Variants in CRYZ observed in about 807,000 individuals in gnomAD.
The protein encoded by CRYZ is zeta-crystallin.
A neutral mutation model predicts 34.1 loss-of-function variants in CRYZ; 35 were observed. The ratio of observed to expected loss-of-function variants is 1.03; its 90% confidence interval spans 0.78 to 1.36. The LOEUF is 1.36. Among genes scored for constraint, CRYZ ranks in the 40% most tolerant of loss-of-function variants. CRYZ has a pLI of 0.00. For missense variants in CRYZ, 403 were observed against 391.8 expected (o/e 1.03, Z -0.24); for synonymous variants, 137 against 136.5 (o/e 1.00, Z -0.03).
At chr1:74,725,186 T>C (rs536065510) in intron 1 of CRYZ, among the ~76,000 whole-genome samples, 1 of 152,384 alleles carries the variant, frequency 6.6e-6, no homozygotes, top group African/African-American at 2.4e-5. Context: ...TTAGGTAAAC[T>C]GACCTCCTTT....
intron 6 of CRYZ, among the ~76,000 whole-genome samples, chr1:74,709,632 C>T (rs1646974308): frequency 6.6e-6 from 1 of 152,184 alleles, no homozygotes; most frequent in Non-Finnish European, 1.5e-5. Flanking sequence ...AATGCCACCT[C>T]ACCATTTTGG....
intron 1 of CRYZ, chr1:74,732,678 C>A (rs1311832875): frequency 6.7e-6 from 1 of 149,536 alleles, no homozygotes. Context: ...GTAGTGCCAA[C>A]GGACACCTCA....
At chr1:74,709,936 T>C (rs1646978305) in intron 6 of CRYZ, among the ~76,000 whole-genome samples, 162 bp downstream of exon 6, 1 of 147,218 alleles carries the variant, frequency 6.8e-6, no homozygotes, top group Non-Finnish European at 1.5e-5. Context: ...AACTTAGACA[T>C]CTGTTTTTTA....
chr1:74,732,608 GGGGGGGGT>G (rs1647872103), intron 1 of CRYZ, among the ~76,000 whole-genome samples: 2 of 81,668 alleles, frequency 2.4e-5, no homozygotes, highest in Admixed American at 1.5e-4. Context: ...GGGGGGGGGG[GGGGGGGGT>G]GCAGCGTGGG....
At chr1:74,719,038 A>G (rs566920232) in intron 4 of CRYZ, among the ~76,000 whole-genome samples, 171 bp downstream of exon 4, 1 of 152,236 alleles carries the variant, frequency 6.6e-6, no homozygotes, top group Non-Finnish European at 1.5e-5. Flanking sequence ...TTGTATCCCT[A>G]GTGATTAGCA....
chr1:74,727,644 C>CCA (rs1647439713), intron 1 of CRYZ, among the ~76,000 whole-genome samples: 1 of 48,696 alleles, frequency 2.1e-5, no homozygotes, highest in Non-Finnish European at 3.9e-5. Context: ...GACTCTGTCT[C>CCA]AAAAAAAAAA....
intron 4 of CRYZ, among the ~76,000 whole-genome samples, chr1:74,715,104 C>T (rs1436808828): frequency 6.6e-6 from 1 of 152,142 alleles, no homozygotes; most frequent in Non-Finnish European, 1.5e-5. Flanking sequence ...AGAAATTTTT[C>T]TTCTCCATGT....
intron 1 of CRYZ, among the ~76,000 whole-genome samples, chr1:74,730,121 G>A (rs1259796429): frequency 1.3e-5 from 2 of 151,190 alleles, no homozygotes; most frequent in South Asian, 2.1e-4. Context: ...AATAGGATCT[G>A]TATCTTTCCC....
intron 3 of CRYZ, among the ~76,000 whole-genome samples, chr1:74,719,716 G>C (rs1647130723): frequency 6.6e-6 from 1 of 151,922 alleles, no homozygotes; most frequent in Admixed American, 6.6e-5. Flanking sequence ...GGCTGGTCTT[G>C]AACTCCTGAC....
chr1:74,727,253 G>C (rs1185577142), intron 1 of CRYZ, among the ~76,000 whole-genome samples: 1 of 96,370 alleles, frequency 1.0e-5, no homozygotes, highest in African/African-American at 2.9e-5. Context: ...CCTGAGACTG[G>C]GTACAATTTA....
At chr1:74,716,449 G>A (rs1427687552) in intron 4 of CRYZ, among the ~76,000 whole-genome samples, 6 of 151,880 alleles carry the variant, frequency 4.0e-5, no homozygotes, top group East Asian at 1.9e-4. Context: ...AGTCACTGAA[G>A]ACTAAGACCT....
chr1:74,707,072 TAAAAAAAAAA>T, intron 7 of CRYZ, 21 bp downstream of exon 7: 1 of 1,389,284 alleles, frequency 7.2e-7, no homozygotes. Context: ...ATTAAAGTGG[TAAAAAAAAAA>T]AAAAGAAAAG....
chr1:74,711,208 G>C (rs536504252), intron 5 of CRYZ, among the ~76,000 whole-genome samples: 2 of 152,334 alleles, frequency 1.3e-5, no homozygotes, highest in South Asian at 4.1e-4. Flanking sequence ...GGTGAGGGTA[G>C]AGGCTTCCGA....
chr1:74,710,391 G>C lies in CRYZ; in HGVS notation c.481-144C>G, dbSNP rs569835914. Reference sequence around the variant, plus strand: ...TGTAAATGAAGAAATAAGAAAAACAGCTAACTTTAATTGAGCATTTAAAAT... The same window carrying C: ...TGTAAATGAAGAAATAAGAAAAACACCTAACTTTAATTGAGCATTTAAAAT... On this transcript the variant is annotated intron_variant, in intron 5 of 8. Transcript: ENST00000340866. The C allele has an allele frequency of 1.7e-5, 11 of 648,168 alleles. No homozygotes were observed. In the East Asian group the frequency reaches 3.1e-4, roughly 18 times the overall value. The allele number at this position is 648,168 out of a possible 1,614,324, so 40.2% of individuals were successfully genotyped here.
chr1:74,729,217 G>A (rs1647558052), intron 1 of CRYZ, among the ~76,000 whole-genome samples: 1 of 150,582 alleles, frequency 6.6e-6, no homozygotes, highest in Non-Finnish European at 1.5e-5. Context: ...GCTCTATCAT[G>A]TGGGAGCCAC....
rs1457743333 is a variant in CRYZ at position 74,724,759 on chromosome 1, G to A, written c.63C>T (p.Val21=). The A allele has an allele frequency of 3.7e-6, 6 of 1,613,512 alleles. No homozygotes were observed. Among genetic ancestry groups the A allele is most frequent in the South Asian group, 2.2e-5 (2 of 91,012 alleles). ...CTGCAATATCTGATCGCAATTTCAGGACTTCTGGCCCACCAAATTCAAAAA... is the reference window on the plus strand; with the variant it reads ...CTGCAATATCTGATCGCAATTTCAGAACTTCTGGCCCACCAAATTCAAAAA... ...VRVFEFGGPE[V]LKLRSDIAVP... Residue 21 remains valine, a synonymous_variant, in exon 2 of 9, where the codon GTC becomes GTT. Coordinates refer to ENST00000340866, the MANE Select transcript of CRYZ (RefSeq NM_001889.4).
chr1:74,708,840 A>G (rs190847226), intron 6 of CRYZ: 2 of 152,326 alleles, frequency 1.3e-5, no homozygotes, highest in Admixed American at 1.3e-4. Flanking sequence ...AGACCAAGCA[A>G]AAACAACCTA....
chr1:74,722,869 G>A lies in CRYZ; in HGVS notation c.264+249C>T, dbSNP rs575658218. Among the ~76,000 whole-genome samples the A allele has an allele frequency of 7.2e-5, 11 of 152,078 alleles. No individual in the cohort carries two copies. The East Asian group carries it at 2.1e-3, about 29-fold the overall frequency. The stretch of plus-strand genomic sequence containing the variant: ...TTTCTATTAAATAAAAAAAATCACA[G>A]TTCATTCTGTGGGGACATGAAGATA... On this transcript the variant is annotated intron_variant, in intron 3 of 8. Coordinates refer to ENST00000340866, the MANE Select transcript of CRYZ (RefSeq NM_001889.4).
chr1:74,712,567 A>T (rs12129513), intron 5 of CRYZ, among the ~76,000 whole-genome samples: 1 of 152,038 alleles, frequency 6.6e-6, no homozygotes, highest in African/African-American at 2.4e-5. Flanking sequence ...GGGAATAACG[A>T]GGCTGGACTC....
Sources: allele counts gnomAD v4.1 joint callset (sites outside exome capture counted in the v4.1 genomes callset), GRCh38; gene constraint gnomAD v4.1.1; transcripts MANE v1.5; gene names NCBI Gene and HGNC (gene_info 2026-07-23, HGNC 2026-07-21).